Variants in PRKAA2 observed in about 807,000 individuals in gnomAD.
PRKAA2 encodes protein kinase AMP-activated catalytic subunit alpha 2, also known as 5'-AMP-activated protein kinase catalytic subunit alpha-2.
In PRKAA2, 40 loss-of-function variants were observed where a neutral mutation model predicts 56.3. The observed-to-expected ratio is 0.71, with a 90% CI of 0.55 to 0.92. The LOEUF (loss-of-function observed/expected upper bound fraction) is 0.92, where lower values mean the gene tolerates loss of function less well. Among genes scored for constraint, PRKAA2 ranks in the 40% least tolerant of loss-of-function variants. PRKAA2 has a pLI of 0.00. For synonymous variants in PRKAA2, 214 were observed against 234.2 expected (o/e 0.91, Z 0.79); for missense variants, 542 against 686.9 (o/e 0.79, Z 2.36).
intron 1 of PRKAA2, among the ~76,000 whole-genome samples, chr1:56,663,326 G>A (rs1644009736): frequency 6.6e-6 from 1 of 152,126 alleles, no homozygotes; most frequent in South Asian, 2.1e-4. Flanking sequence ...GGGCTCAAGC[G>A]ATCCTCTCGC....
chr1:56,696,143 A>G lies in PRKAA2; in HGVS notation c.772A>G (p.Thr258Ala), dbSNP rs267598662. 3.1e-6 allele frequency: 5 copies of G among 1,611,720 alleles called. No individual in the cohort carries two copies. Among genetic ancestry groups the G allele is most frequent in the Non-Finnish European group, 4.2e-6 (5 of 1,178,232 alleles). ...GCAGGTTGACCCACTGAAACGAGCA[A>G]CTATCAAAGACATAAGGTGATTTTT... ...MLQVDPLKRATIKDIREHEWF... is the reference protein window; with the variant it reads ...MLQVDPLKRAAIKDIREHEWF... The change falls in exon 6 of 9, where the codon ACT (threonine) becomes GCT (alanine). Residue 258 changes from threonine (T) to alanine (A), a missense_variant. Physicochemically the swap from Thr to Ala is moderately conservative, Grantham distance 58. Around this residue, in one of 5 missense-constraint regions of PRKAA2, gnomAD observed 198 missense variants for 234.0 expected, o/e 0.85. Coordinates refer to ENST00000371244, the MANE Select transcript of PRKAA2 (RefSeq NM_006252.4).
In PRKAA2 at chr1:56,704,242, G is replaced by T. The variant is rs1355840765; in HGVS notation, c.1060G>T (p.Asp354Tyr). The stretch of plus-strand genomic sequence containing the variant: ...TCCTCCATCTGGTTCTTTTATGGAT[G>T]ATAGTGCCATGCATATTCCCCCAGG... ...SSPPSGSFMD[D>Y]SAMHIPPGLK... Residue 354 changes from aspartate (D) to tyrosine (Y), a missense_variant, in exon 7 of 9, where the codon GAT becomes TAT. Asp to Tyr is a radical substitution (Grantham distance 160). Coordinates refer to ENST00000371244, the MANE Select transcript of PRKAA2 (RefSeq NM_006252.4). 1 of 1,614,082 alleles carries T rather than the reference G, an allele frequency of 6.2e-7. No homozygotes were observed. The highest frequency in any genetic ancestry group is 1.7e-5 in the Admixed American group (1 of 59,982).
At chr1:56,687,782 G>T (rs1367119490) in intron 2 of PRKAA2, among the ~76,000 whole-genome samples, 3 of 152,008 alleles carry the variant, frequency 2.0e-5, no homozygotes, top group East Asian at 1.9e-4. Context: ...CACCAAAAAG[G>T]TGTACTCATG....
chr1:56,673,737 G>A (rs979705358), intron 1 of PRKAA2, among the ~76,000 whole-genome samples: 1 of 152,212 alleles, frequency 6.6e-6, no homozygotes, highest in Non-Finnish European at 1.5e-5. Context: ...TGGTCATCTT[G>A]TCCAAGGAGA....
intron 2 of PRKAA2, among the ~76,000 whole-genome samples, chr1:56,676,375 G>T (rs1644113163): frequency 6.6e-6 from 1 of 152,112 alleles, no homozygotes; most frequent in Non-Finnish European, 1.5e-5. Context: ...GATAAAATGG[G>T]AGAAGGACTC....
intron 1 of PRKAA2, 112 bp downstream of exon 1, chr1:56,645,593 G>A: frequency 9.5e-7 from 1 of 1,054,300 alleles, no homozygotes; most frequent in East Asian, 4.6e-5. Context: ...GGCAGGTGGA[G>A]CGGTCCCGGG....
chr1:56,691,521 T>C (rs772780059), intron 3 of PRKAA2, 34 bp downstream of exon 3: 1 of 1,496,172 alleles, frequency 6.7e-7, no homozygotes, highest in Admixed American at 1.8e-5. Flanking sequence ...ACTAAATCTC[T>C]AAACTAATAA....
intron 6 of PRKAA2, among the ~76,000 whole-genome samples, chr1:56,699,184 G>A (rs1331893944): frequency 1.3e-5 from 2 of 152,090 alleles, no homozygotes; most frequent in African/African-American, 4.8e-5. Flanking sequence ...ACAATGTCTA[G>A]AACATAATAT....
intron 1 of PRKAA2, among the ~76,000 whole-genome samples, chr1:56,655,282 T>TATATATATATA (rs1557542428): frequency 5.5e-5 from 3 of 54,354 alleles, no homozygotes; most frequent in African/African-American, 3.3e-4. Context: ...ATATATATAT[T>TATATATATATA]TTTTTTTTTT....
At chr1:56,660,450 A>G (rs1643985122) in intron 1 of PRKAA2, among the ~76,000 whole-genome samples, 3 of 152,150 alleles carry the variant, frequency 2.0e-5, no homozygotes, top group Admixed American at 6.6e-5. Context: ...CAAAGGCCAC[A>G]GCCCTACCCC....
At chr1:56,703,068 A>T (rs1242074977) in intron 6 of PRKAA2, among the ~76,000 whole-genome samples, 1 of 152,206 alleles carries the variant, frequency 6.6e-6, no homozygotes, top group Non-Finnish European at 1.5e-5. Flanking sequence ...ACAATCTCGA[A>T]GGAGTAGTTT....
intron 3 of PRKAA2, 39 bp downstream of exon 3, chr1:56,691,526 T>A: frequency 6.7e-7 from 1 of 1,493,056 alleles, no homozygotes; most frequent in South Asian, 1.2e-5. Context: ...ATCTCTAAAC[T>A]AATAAAAAGG....
intron 5 of PRKAA2, among the ~76,000 whole-genome samples, chr1:56,694,348 T>C: frequency 6.6e-6 from 1 of 152,182 alleles, no homozygotes; most frequent in East Asian, 1.9e-4. Flanking sequence ...TAAAAATGTT[T>C]ATACAGATTG....
chr1:56,701,715 C>G (rs932901174), intron 6 of PRKAA2, among the ~76,000 whole-genome samples: 4 of 151,908 alleles, frequency 2.6e-5, no homozygotes, highest in Non-Finnish European at 5.9e-5. Flanking sequence ...CGGTGAAACC[C>G]CATCTCTACT....
rs1644099020 is a variant in PRKAA2, at chr1:56,674,418, T to TA, written c.136dup (p.Ile46AsnfsTer4). The TA allele has an allele frequency of 6.3e-7, 1 of 1,582,370 alleles. No individual in the cohort carries two copies. The highest frequency in any genetic ancestry group is 1.4e-5 in the African/African-American group (1 of 73,196). On this transcript the variant is annotated frameshift_variant, in exon 2 of 9. Transcript: ENST00000371244. LOFTEE classifies it high-confidence loss of function. ...AATTAACAGGCCATAAAGTGGCAGT[T>TA]AAAATCTTAAATAGACAGAAGATTC...
chr1:56,678,888 G>T (rs759221526), intron 2 of PRKAA2, among the ~76,000 whole-genome samples: 1 of 152,046 alleles, frequency 6.6e-6, no homozygotes, highest in Non-Finnish European at 1.5e-5. Context: ...TAGAGACGGG[G>T]TTTCACCATG....
At chr1:56,658,573 G>A (rs185840466) in intron 1 of PRKAA2, among the ~76,000 whole-genome samples, 3 of 110,556 alleles carry the variant, frequency 2.7e-5, no homozygotes, top group Admixed American at 2.2e-4. Context: ...AAATGTTGTT[G>A]TTTTTTTTTT....
chr1:56,689,586 G>A (rs192482748), intron 2 of PRKAA2, among the ~76,000 whole-genome samples: 1 of 152,020 alleles, frequency 6.6e-6, no homozygotes, highest in African/African-American at 2.4e-5. Flanking sequence ...GGGCATGGTG[G>A]TGCATGCCTG....
chr1:56,671,797 A>G (rs1412499483), intron 1 of PRKAA2, among the ~76,000 whole-genome samples: 1 of 152,168 alleles, frequency 6.6e-6, no homozygotes, highest in African/African-American at 2.4e-5. Flanking sequence ...TGGGTGACTT[A>G]TTTAGCTCCT....
Sources: allele counts gnomAD v4.1 joint callset (sites outside exome capture counted in the v4.1 genomes callset), GRCh38; gene constraint gnomAD v4.1.1; regional missense constraint gnomAD v4.1.1; transcripts MANE v1.5; gene names NCBI Gene and HGNC (gene_info 2026-07-23, HGNC 2026-07-21).